The following KIF1A variants were observed in gnomAD, a reference collection of about 807,000 sequenced individuals.
The protein encoded by KIF1A is kinesin family member 1A, also known as kinesin-like protein KIF1A.
Under a neutral mutation model 227.3 loss-of-function variants are expected in KIF1A, and 46 were observed. The ratio of observed to expected loss-of-function variants is 0.20; its 90% CI spans 0.16 to 0.26. The LOEUF is 0.26. KIF1A is among the 10% of genes least tolerant of loss of function. KIF1A has a pLI of 1.00. For missense variants in KIF1A, 1,683 were observed against 2,485.9 expected (o/e 0.68, Z 6.87); for synonymous variants, 1,022 against 1,012.8 (o/e 1.01, Z -0.17).
At position 240,769,597 on chromosome 2, in the gene KIF1A, C is replaced by T. The variant is rs747122501; in HGVS notation, c.1421+30G>A. ...TCCGGGCTTGCTGGCTGCACCCCTCCCCCTGGGCCTCAGTTTCCCCGCTGC... is the reference window on the plus strand; with the variant it reads ...TCCGGGCTTGCTGGCTGCACCCCTCTCCCTGGGCCTCAGTTTCCCCGCTGC... On this transcript the variant is annotated intron_variant, in intron 16 of 48. Coordinates refer to ENST00000498729, the MANE Select transcript of KIF1A (RefSeq NM_001244008.2). 5.0e-6 allele frequency: 8 copies of T among 1,591,228 alleles called. No homozygotes were observed. The East Asian group carries it at 1.6e-4, about 31-fold the overall frequency.
intron 15 of KIF1A, among the ~76,000 whole-genome samples, chr2:240,770,043 C>T (rs542358837): frequency 3.3e-5 from 5 of 152,210 alleles, no homozygotes; most frequent in Non-Finnish European, 7.3e-5. Flanking sequence ...ACATGGACGA[C>T]ACTGCCCAAC....
Position 240,758,233 on chromosome 2 carries a change from G to A in KIF1A, c.2582+127C>T. ...CCTCAGGCCAGGGAGGACAGGGCTG[G>A]GAATATGGGGCTGGAAAAGCACTTG... On this transcript the variant is annotated intron_variant, in intron 26 of 48. Transcript: ENST00000498729. This position sits in a 1 kb window ranked among gnomAD's most constrained non-coding sequence, Gnocchi z 5.2. The A allele has an allele frequency of 9.4e-7, 1 of 1,062,856 alleles. No homozygotes were observed. The highest frequency in any genetic ancestry group is 1.3e-6 in the Non-Finnish European group (1 of 760,336). The allele number at this position is 1,062,856 out of a possible 1,614,324, so 65.8% of individuals were successfully genotyped here. A position where few individuals can be genotyped will look rare whatever the true frequency, so the allele number is the denominator to read the frequency against.
chr2:240,799,303 T>C (rs2056736769), intron 1 of KIF1A, among the ~76,000 whole-genome samples: 1 of 152,180 alleles, frequency 6.6e-6, no homozygotes, highest in South Asian at 2.1e-4. Flanking sequence ...GACGCTGAAC[T>C]CCTGGACCTT....
At chr2:240,761,465 C>A in intron 23 of KIF1A, 88 bp from the exon 24 acceptor site, 1 of 1,322,602 alleles carries the variant, frequency 7.6e-7, no homozygotes, top group East Asian at 2.6e-5. Flanking sequence ...GGCTGGTCGG[C>A]CACTCCATGG....
intron 27 of KIF1A, among the ~76,000 whole-genome samples, chr2:240,756,782 T>C (rs1018236776): frequency 1.3e-5 from 2 of 152,216 alleles, no homozygotes; most frequent in African/African-American, 4.8e-5. Flanking sequence ...TGGAGAGCAC[T>C]GAGAGCAGCC....
intron 25 of KIF1A, among the ~76,000 whole-genome samples, chr2:240,760,439 A>G (rs1401945578): frequency 1.3e-5 from 2 of 152,286 alleles, no homozygotes; most frequent in Non-Finnish European, 2.9e-5. Context: ...GAAAATGTCC[A>G]AATCTATTTT....
intron 23 of KIF1A, among the ~76,000 whole-genome samples, chr2:240,762,496 C>T (rs370748322): frequency 6.6e-6 from 1 of 152,236 alleles, no homozygotes; most frequent in Non-Finnish European, 1.5e-5. Context: ...CACGCCAGTG[C>T]GTGAGTGTGC....
rs1315851366 is a variant in KIF1A at position 240,788,314 on chromosome 2, C to A, written c.184-84G>T. 12 of 1,325,014 alleles carry A rather than the reference C, an allele frequency of 9.1e-6. No individual in the cohort carries two copies. Among genetic ancestry groups the A allele is most frequent in the Non-Finnish European group, 1.3e-5 (12 of 936,680 alleles). The allele number at this position is 1,325,014 out of a possible 1,614,324, so 82.1% of individuals were successfully genotyped here. A position where few individuals can be genotyped will look rare whatever the true frequency, so the allele number is the denominator to read the frequency against. ...ATCATGTCTGCGGAGCCAGGGGATG[C>A]CCAGGGCCTCAGGGTGCCAGGGCAG... is the stretch of plus-strand genomic sequence containing the variant. On this transcript the variant is annotated intron_variant, in intron 3 of 48. Coordinates refer to ENST00000498729, the MANE Select transcript of KIF1A (RefSeq NM_001244008.2). This position sits in a 1 kb window ranked among gnomAD's most constrained non-coding sequence, Gnocchi z 6.6.
rs76047629 is a variant in KIF1A at position 240,756,620 on chromosome 2, G to A, written c.2858+699C>T. Among the ~76,000 whole-genome samples the A allele has an allele frequency of 2.3e-3, 344 of 152,384 alleles. 14 individuals carry two copies. The East Asian group carries it at 0.061, about 27-fold the overall frequency. ...TGGCCATGACAACCGAGGAGGTCAG[G>A]AGGGATGGAGTAGTCCTCACCTTTA... On this transcript the variant is annotated intron_variant, in intron 27 of 48. Coordinates refer to ENST00000498729, the MANE Select transcript of KIF1A (RefSeq NM_001244008.2).
At position 240,781,453 on chromosome 2, in the gene KIF1A, A is replaced by C. The variant is rs1344891778; in HGVS notation, c.882+1137T>G. Among the ~76,000 whole-genome samples the C allele has an allele frequency of 2.7e-4, 17 of 63,124 alleles. 2 individuals carry two copies. The highest frequency in any genetic ancestry group is 7.8e-4 in the East Asian group (2 of 2,554). The allele number at this position is 63,124 out of a possible 152,430, so 41.4% of individuals were successfully genotyped here. ...GCTCCACACACACACACACACACAC[A>C]CACACAGCTCCACACACACACACAC... On this transcript the variant is annotated intron_variant, in intron 10 of 48. Transcript: ENST00000498729.
In KIF1A at chr2:240,735,822, C is replaced by T. The variant is rs139386584; in HGVS notation, c.4007+1241G>A. On this transcript the variant is annotated intron_variant, in intron 38 of 48. Coordinates refer to ENST00000498729, the MANE Select transcript of KIF1A (RefSeq NM_001244008.2). Reference sequence around the variant, plus strand: ...CTGCCTCACCTCTCCCTCTCCCAGACGTGCTCCCCCCTCATGGCACCACCT... The same window carrying T: ...CTGCCTCACCTCTCCCTCTCCCAGATGTGCTCCCCCCTCATGGCACCACCT... Among the ~76,000 whole-genome samples the T allele has an allele frequency of 4.5e-3, 680 of 152,280 alleles. 24 individuals are homozygous for T. Among genetic ancestry groups the T allele is most frequent in the Admixed American group, 0.037 (569 of 15,302 alleles).
chr2:240,770,644 C>G (rs1160092908), intron 15 of KIF1A, among the ~76,000 whole-genome samples: 1 of 152,232 alleles, frequency 6.6e-6, no homozygotes, highest in African/African-American at 2.4e-5. Flanking sequence ...TGGAGCTTCC[C>G]TTGTCCAGGC....
chr2:240,788,041 C>CCCCGCCGGGCG lies in KIF1A; in HGVS notation c.363+9_363+10insCGCCCGGCGGG. On this transcript the variant is annotated intron_variant, in intron 4 of 48. Coordinates refer to ENST00000498729, the MANE Select transcript of KIF1A (RefSeq NM_001244008.2). This position sits in a 1 kb window ranked among gnomAD's most constrained non-coding sequence, Gnocchi z 6.6. The stretch of plus-strand genomic sequence containing the variant: ...GCCAGGGCTGCCCCCGCCCGCCCCC[C>CCCCGCCGGGCG]GCTTCGTGCCTGTGGGATGATGCCC... 6.6e-7 allele frequency: 1 copy of CCCCGCCGGGCG among 1,520,684 alleles called. No individual in the cohort carries two copies. Among genetic ancestry groups the CCCCGCCGGGCG allele is most frequent in the Non-Finnish European group, 8.9e-7 (1 of 1,121,316 alleles). The allele number at this position is 1,520,684 out of a possible 1,614,324, so 94.2% of individuals were successfully genotyped here. A position where few individuals can be genotyped will look rare whatever the true frequency, so the allele number is the denominator to read the frequency against.
intron 1 of KIF1A, among the ~76,000 whole-genome samples, chr2:240,811,619 G>A (rs1367306618): frequency 2.6e-5 from 4 of 152,192 alleles, no homozygotes; most frequent in Non-Finnish European, 2.9e-5. Flanking sequence ...CAAAGACAGA[G>A]AGGGGCACCT....
rs984087033 is a variant in KIF1A at position 240,757,357 on chromosome 2, C to T, written c.2820G>A (p.Pro940=). 24 of 1,550,566 alleles carry T rather than the reference C, an allele frequency of 1.5e-5. No homozygotes were observed. The highest frequency in any genetic ancestry group is 5.5e-5 in the African/African-American group (4 of 73,056). The change falls in exon 27 of 49, where the codon CCG becomes CCA. Residue 940 remains proline, a synonymous_variant. Transcript: ENST00000498729. The surrounding 1 kb of genome is among the most constrained non-coding windows in gnomAD (Gnocchi z 6.2). ...TGAACAGGGGGGGCCGGTCGTAAAACGGGTCCCGGCCGTCGCACAGCGCGT... is the reference window on the plus strand; with the variant it reads ...TGAACAGGGGGGGCCGGTCGTAAAATGGGTCCCGGCCGTCGCACAGCGCGT... ...PEHALCDGRD[P]FYDRPPLFSL... is the part of the protein sequence containing the mutation.
At chr2:240,794,477 C>G (rs945075343) in intron 2 of KIF1A, among the ~76,000 whole-genome samples, 1 of 152,186 alleles carries the variant, frequency 6.6e-6, no homozygotes, top group African/African-American at 2.4e-5. Flanking sequence ...CTGACCTTTG[C>G]CCCCTTCCCC....
chr2:240,725,306 G>A lies in KIF1A; in HGVS notation c.4221C>T (p.Asn1407=), dbSNP rs1264138765. Reference sequence around the variant, plus strand: ...CCCGAAGGCTCCCACTGCCAAAGAGGTTGCGGATGGAGCGCGAGGCTGGCA... The same window carrying A: ...CCCGAAGGCTCCCACTGCCAAAGAGATTGCGGATGGAGCGCGAGGCTGGCA... ...AKLPASRSIR[N]LFGSGSLRAS... is the part of the protein sequence containing the mutation. The change falls in exon 40 of 49, where the codon AAC becomes AAT. Residue 1407 remains asparagine (N), a synonymous_variant. Coordinates refer to ENST00000498729, the MANE Select transcript of KIF1A (RefSeq NM_001244008.2). This position sits in a 1 kb window ranked among gnomAD's most constrained non-coding sequence, Gnocchi z 5.8. 22 of 1,609,550 alleles carry A rather than the reference G, an allele frequency of 1.4e-5. No individual in the cohort carries two copies. Among genetic ancestry groups the A allele is most frequent in the Non-Finnish European group, 1.9e-5 (22 of 1,178,586 alleles).
In KIF1A at chr2:240,736,453, G is replaced by T. The variant is rs150061291; in HGVS notation, c.4007+610C>A. On this transcript the variant is annotated intron_variant, in intron 38 of 48. Transcript: ENST00000498729. The surrounding 1 kb of genome is among the most constrained non-coding windows in gnomAD (Gnocchi z 4.7). ...GCTGAGCCACCTGCCCAGGCCAACC[G>T]CAGGGGCTGCCTCCCTCTCCCATCC... 6.6e-6 allele frequency among the ~76,000 whole-genome samples: 1 copy of T among 152,038 alleles called. No individual in the cohort carries two copies. The highest frequency in any genetic ancestry group is 1.5e-5 in the Non-Finnish European group (1 of 67,994).
rs1392149605 is a variant in KIF1A at position 240,716,975 on chromosome 2, T to C, written c.*389A>G. ...TGTGGAGGCATTAGAAATAAATACT[T>C]ATAAATAGAACAAGTCTTATAGTTA... On this transcript the variant is annotated 3_prime_UTR_variant, in exon 49 of 49. Coordinates refer to ENST00000498729, the MANE Select transcript of KIF1A (RefSeq NM_001244008.2). 1.1e-5 allele frequency: 2 copies of C among 190,206 alleles called. No homozygotes were observed. Among genetic ancestry groups the C allele is most frequent in the Non-Finnish European group, 2.2e-5 (2 of 92,786 alleles). The allele number at this position is 190,206 out of a possible 1,614,324, so 11.8% of individuals were successfully genotyped here.
Sources: gnomAD v4.1 joint callset for allele counts (sites outside exome capture counted in the v4.1 genomes callset) on GRCh38, gnomAD v4.1.1 for gene constraint, Gnocchi (gnomAD v3.1) non-coding constraint, MANE v1.5 for transcripts, NCBI Gene and HGNC (gene_info 2026-07-23, HGNC 2026-07-21) for gene names.